The following SORCS2 variants were observed in gnomAD, a reference collection of about 807,000 sequenced individuals.
SORCS2 encodes the protein VPS10 domain-containing receptor SorCS2.
In SORCS2, 100 loss-of-function variants were observed where a neutral mutation model predicts 141.6. That is an observed-to-expected ratio of 0.71 (90% confidence interval 0.60 to 0.83). The LOEUF (loss-of-function observed/expected upper bound fraction) is 0.83, where lower values mean the gene tolerates loss of function less well. Among genes scored for constraint, SORCS2 ranks in the 40% least tolerant of loss-of-function variants. The pLI, the probability that SORCS2 is intolerant of heterozygous loss-of-function variation, is 0.00. For missense variants in SORCS2, 1,646 were observed against 1,560.2 expected (o/e 1.05, Z -0.93); for synonymous variants, 789 against 676.9 (o/e 1.17, Z -2.57).
intron 3 of SORCS2, among the ~76,000 whole-genome samples, chr4:7,598,852 C>T (rs1011317858): frequency 6.6e-6 from 1 of 152,232 alleles, no homozygotes; most frequent in Non-Finnish European, 1.5e-5. Context: ...AGGCTGTGCT[C>T]ATGCTGAGCT....
chr4:7,487,125 C>T (rs531386118), intron 2 of SORCS2, among the ~76,000 whole-genome samples: 7 of 152,314 alleles, frequency 4.6e-5, no homozygotes, highest in African/African-American at 1.4e-4. Context: ...CGGGTGGTAA[C>T]GATGTGACTC....
At chr4:7,469,261 A>G (rs766789318) in intron 2 of SORCS2, among the ~76,000 whole-genome samples, 8 of 151,314 alleles carry the variant, frequency 5.3e-5, no homozygotes, top group African/African-American at 1.2e-4. Flanking sequence ...GGTGATGGTA[A>G]TGGTGGTGTT....
chr4:7,601,130 C>T (rs1222004770), intron 3 of SORCS2, among the ~76,000 whole-genome samples: 1 of 152,134 alleles, frequency 6.6e-6, no homozygotes, highest in Non-Finnish European at 1.5e-5. Flanking sequence ...TTAGTTTTAT[C>T]CTAGAAGTTT....
At chr4:7,227,987 G>A (rs946948036) in intron 1 of SORCS2, among the ~76,000 whole-genome samples, 2 of 152,182 alleles carry the variant, frequency 1.3e-5, no homozygotes, top group Non-Finnish European at 2.9e-5. Context: ...ATGACTGAAC[G>A]GGAGCAAGCG....
chr4:7,647,297 C>T (rs1721143500), intron 4 of SORCS2, among the ~76,000 whole-genome samples: 1 of 152,198 alleles, frequency 6.6e-6, no homozygotes, highest in African/African-American at 2.4e-5. Flanking sequence ...TTTCTCCATG[C>T]ATGTGGCAGC....
intron 1 of SORCS2, among the ~76,000 whole-genome samples, chr4:7,354,763 C>T (rs777271896): frequency 1.3e-5 from 2 of 152,158 alleles, no homozygotes; most frequent in African/African-American, 2.4e-5. Flanking sequence ...GGGCCTGGTC[C>T]CCACAGCACG....
At chr4:7,412,509 C>G (rs866252548) in intron 2 of SORCS2, among the ~76,000 whole-genome samples, 10 of 152,172 alleles carry the variant, frequency 6.6e-5, no homozygotes, top group Non-Finnish European at 1.2e-4. Context: ...ATAAGATCGT[C>G]TCAGATGCTT....
intron 2 of SORCS2, chr4:7,434,092 A>G (rs1470705271): frequency 6.2e-7 from 1 of 1,611,736 alleles, no homozygotes; most frequent in East Asian, 2.2e-5. Flanking sequence ...TACTTGAGTC[A>G]AACGGGCAGG....
intron 2 of SORCS2, among the ~76,000 whole-genome samples, chr4:7,423,897 C>T (rs114958370): frequency 0.014 from 2,194 of 152,304 alleles, 53 homozygotes; most frequent in African/African-American, 0.049. Context: ...TGGCGGCCAG[C>T]GTCAAGCTGC....
At chr4:7,706,134 C>A (rs62290735) in intron 14 of SORCS2, among the ~76,000 whole-genome samples, 1 of 74,598 alleles carries the variant, frequency 1.3e-5, no homozygotes, top group Non-Finnish European at 3.0e-5. Context: ...GGCTGGGCTC[C>A]GCCTGGACAG....
At position 7,463,811 on chromosome 4, in the gene SORCS2, A is replaced by T. The variant is rs1022151370; in HGVS notation, c.548+67456A>T. 2.0e-5 allele frequency among the ~76,000 whole-genome samples: 3 copies of T among 152,164 alleles called. No homozygotes were observed. In the East Asian group the frequency reaches 5.8e-4, roughly 29 times the overall value. On this transcript the variant is annotated intron_variant, in intron 2 of 26. Coordinates refer to ENST00000507866, the MANE Select transcript of SORCS2 (RefSeq NM_020777.3). ...TCAGCAGGAGCCCTGCGCCGCCTAC[A>T]TACTGATGCGTGCCGGACTGGTGTG... is the stretch of plus-strand genomic sequence containing the variant.
In SORCS2 at chr4:7,709,876, G is replaced by A. The variant is rs550862807; in HGVS notation, c.1869-2857G>A. 2.6e-5 allele frequency among the ~76,000 whole-genome samples: 4 copies of A among 152,312 alleles called. No homozygotes were observed. In the South Asian group the frequency reaches 8.3e-4, roughly 32 times the overall value. On this transcript the variant is annotated intron_variant, in intron 14 of 26. Coordinates refer to ENST00000507866, the MANE Select transcript of SORCS2 (RefSeq NM_020777.3). ...GCCCTGGGCTTGGGCGAGAGGTGGA[G>A]TGGAGGCTCCCAGAGCCTTCCCTGG... is the stretch of plus-strand genomic sequence containing the variant.
intron 1 of SORCS2, among the ~76,000 whole-genome samples, chr4:7,278,321 G>C (rs4689678): frequency 0.089 from 13,579 of 152,188 alleles, 929 homozygotes; most frequent in Admixed American, 0.23. Context: ...GTTGGGACGA[G>C]TTCACTGAGC....
intron 1 of SORCS2, among the ~76,000 whole-genome samples, chr4:7,357,587 C>G (rs905149869): frequency 1.3e-5 from 2 of 152,230 alleles, no homozygotes; most frequent in African/African-American, 4.8e-5. Context: ...TCTGCCCTTT[C>G]AAGGTGATTT....
At chr4:7,724,756 G>A (rs1727019635) in intron 19 of SORCS2, among the ~76,000 whole-genome samples, 1 of 140,464 alleles carries the variant, frequency 7.1e-6, no homozygotes, top group Non-Finnish European at 1.5e-5. Flanking sequence ...TGATGGTGGT[G>A]GTGTTGGTGA....
intron 2 of SORCS2, among the ~76,000 whole-genome samples, chr4:7,473,188 A>G (rs1730085290): frequency 6.6e-6 from 1 of 152,226 alleles, no homozygotes; most frequent in African/African-American, 2.4e-5. Flanking sequence ...CAAACATCCC[A>G]TCAATAAAAC....
At chr4:7,544,991 C>G (rs1475189931) in intron 3 of SORCS2, among the ~76,000 whole-genome samples, 1 of 152,178 alleles carries the variant, frequency 6.6e-6, no homozygotes, top group Non-Finnish European at 1.5e-5. Context: ...CAGGCAGCCT[C>G]CCCTGTGCAG....
chr4:7,209,753 G>A (rs1047445306), intron 1 of SORCS2, among the ~76,000 whole-genome samples: 2 of 151,986 alleles, frequency 1.3e-5, no homozygotes, highest in African/African-American at 2.4e-5. Context: ...GAGAAGGGAC[G>A]AAGACCAGGC....
In SORCS2 at chr4:7,437,995, A is replaced by G. The variant is rs114195278; in HGVS notation, c.548+41640A>G. The stretch of plus-strand genomic sequence containing the variant: ...CTTTACCCCAGTTACTTTGGTGCCT[A>G]TTTCCTAAGGACCAGGACATTCTCT... On this transcript the variant is annotated intron_variant, in intron 2 of 26. Transcript: ENST00000507866. Among the ~76,000 whole-genome samples the G allele has an allele frequency of 3.0e-3, 455 of 152,286 alleles. 3 individuals are homozygous for G. The highest frequency in any genetic ancestry group is 0.011 in the African/African-American group (439 of 41,546).
Sources: gnomAD v4.1 joint callset for allele counts (sites outside exome capture counted in the v4.1 genomes callset) on GRCh38, gnomAD v4.1.1 for gene constraint, MANE v1.5 for transcripts, NCBI Gene and HGNC (gene_info 2026-07-23, HGNC 2026-07-21) for gene names.